Variants in ADARB2 observed in about 807,000 individuals in gnomAD.
The protein encoded by ADARB2 is adenosine deaminase RNA specific B2 (inactive).
In ADARB2, 25 loss-of-function variants were observed where a neutral mutation model predicts 62.2. That is an observed-to-expected ratio of 0.40 (90% CI 0.29 to 0.56). The LOEUF (loss-of-function observed/expected upper bound fraction) is 0.56, where lower values mean the gene tolerates loss of function less well. Ranked by LOEUF, ADARB2 falls within the 20% of genes least tolerant of loss-of-function variation. The pLI, the probability that ADARB2 is intolerant of heterozygous loss-of-function variation, is 0.43. For missense variants in ADARB2, 1,071 were observed against 1,077.4 expected (o/e 0.99, Z 0.08); for synonymous variants, 572 against 500.8 (o/e 1.14, Z -1.90).
At chr10:1,678,411 G>T (rs755855976) in intron 1 of ADARB2, 1 of 853,102 alleles carries the variant, frequency 1.2e-6, no homozygotes. Flanking sequence ...GAGCGTCTGC[G>T]CACCTTCCCT....
intron 1 of ADARB2, among the ~76,000 whole-genome samples, chr10:1,698,724 TAGAA>T (rs78175399): frequency 0.084 from 12,778 of 152,212 alleles, 627 homozygotes; most frequent in African/African-American, 0.13. Flanking sequence ...ACAGTGAAGG[TAGAA>T]AGAGTTGAAG....
intron 1 of ADARB2, among the ~76,000 whole-genome samples, chr10:1,647,411 GCATATATGTGTATA>G (rs1449597703): frequency 1.4e-5 from 2 of 143,980 alleles, no homozygotes; most frequent in Admixed American, 7.1e-5. Flanking sequence ...ACATGTGTGT[GCATATATGTGTATA>G]CATATGTGTA....
chr10:1,336,808 G>A (rs1273154557), intron 3 of ADARB2, among the ~76,000 whole-genome samples: 1 of 152,070 alleles, frequency 6.6e-6, no homozygotes, highest in Non-Finnish European at 1.5e-5. Context: ...AGAATTGCTT[G>A]CAGGATGTTT....
intron 1 of ADARB2, among the ~76,000 whole-genome samples, chr10:1,430,452 G>A (rs1830767152): frequency 6.6e-6 from 1 of 152,050 alleles, no homozygotes; most frequent in African/African-American, 2.4e-5. Flanking sequence ...TTGGCTGAGT[G>A]GATTTTTAAA....
intron 3 of ADARB2, among the ~76,000 whole-genome samples, chr10:1,357,833 A>T (rs1832210944): frequency 6.6e-6 from 1 of 152,100 alleles, no homozygotes; most frequent in South Asian, 2.1e-4. Flanking sequence ...CCCCAGAAAA[A>T]CTCTGTGCAG....
At chr10:1,399,074 G>C (rs984297545) in intron 1 of ADARB2, among the ~76,000 whole-genome samples, 1 of 152,176 alleles carries the variant, frequency 6.6e-6, no homozygotes, top group South Asian at 2.1e-4. Flanking sequence ...TAGGAAACAC[G>C]AAATAAAATG....
At chr10:1,568,953 A>T (rs1832897386) in intron 1 of ADARB2, among the ~76,000 whole-genome samples, 1 of 152,122 alleles carries the variant, frequency 6.6e-6, no homozygotes, top group Non-Finnish European at 1.5e-5. Context: ...GATGACCTGG[A>T]AGGATCTGAG....
At chr10:1,394,856 C>T (rs775482686) in intron 1 of ADARB2, 8 of 457,156 alleles carry the variant, frequency 1.7e-5, no homozygotes, top group South Asian at 6.2e-5. Context: ...TACCAGGACT[C>T]GCTGTGCACA....
chr10:1,695,381 A>G (rs1834726118), intron 1 of ADARB2, among the ~76,000 whole-genome samples: 1 of 152,174 alleles, frequency 6.6e-6, no homozygotes, highest in Non-Finnish European at 1.5e-5. Context: ...CACAGCAAGG[A>G]GCAGAGCTCA....
At position 1,714,119 on chromosome 10, in the gene ADARB2, A is replaced by C. The variant is rs936665729; in HGVS notation, c.100+22932T>G. ...ATTGGTACTAAAACCAACCAAACAAAAACCAATGGACATTTCAGCAGTTTC... is the reference window on the plus strand; with the variant it reads ...ATTGGTACTAAAACCAACCAAACAACAACCAATGGACATTTCAGCAGTTTC... On this transcript the variant is annotated intron_variant, in intron 1 of 9. Coordinates refer to ENST00000381312, the MANE Select transcript of ADARB2 (RefSeq NM_018702.4). 2.6e-5 allele frequency among the ~76,000 whole-genome samples: 4 copies of C among 152,380 alleles called. No individual in the cohort carries two copies. The East Asian group carries it at 7.7e-4, about 29-fold the overall frequency.
intron 3 of ADARB2, among the ~76,000 whole-genome samples, chr10:1,309,917 C>T (rs577719040): frequency 8.5e-5 from 13 of 152,384 alleles, no homozygotes; most frequent in Non-Finnish European, 1.2e-4. Flanking sequence ...CCTGCGGGCA[C>T]ACCTGGGGCC....
intron 1 of ADARB2, among the ~76,000 whole-genome samples, chr10:1,585,640 G>A (rs565577171): frequency 1.6e-4 from 25 of 152,306 alleles, no homozygotes; most frequent in African/African-American, 6.0e-4. Flanking sequence ...TGACCTGGAA[G>A]CCCCTGCTGA....
chr10:1,482,023 AAAAATC>A (rs1197900113), intron 1 of ADARB2, among the ~76,000 whole-genome samples: 1 of 152,242 alleles, frequency 6.6e-6, no homozygotes, highest in Admixed American at 6.5e-5. Flanking sequence ...TTAGAGAAAT[AAAAATC>A]AAAACCATGA....
chr10:1,446,080 ACATGAGGT>A (rs1830965128), intron 1 of ADARB2, among the ~76,000 whole-genome samples: 1 of 152,124 alleles, frequency 6.6e-6, no homozygotes, highest in African/African-American at 2.4e-5. Flanking sequence ...GGTGAAGGAA[ACATGAGGT>A]CATTAAGTTA....
At chr10:1,524,602 T>G (rs1832117369) in intron 1 of ADARB2, among the ~76,000 whole-genome samples, 2 of 152,210 alleles carry the variant, frequency 1.3e-5, no homozygotes, top group African/African-American at 2.4e-5. Context: ...ATTGCCTTTT[T>G]GTTTGGTTTT....
At chr10:1,665,758 C>T (rs77685755) in intron 1 of ADARB2, among the ~76,000 whole-genome samples, 1,873 of 152,332 alleles carry the variant, frequency 0.012, 21 homozygotes, top group East Asian at 0.045. Flanking sequence ...CTCTGGGAAG[C>T]CCCTGGAGAT....
intron 1 of ADARB2, among the ~76,000 whole-genome samples, chr10:1,431,130 A>T (rs1017480490): frequency 1.4e-5 from 2 of 140,090 alleles, no homozygotes; most frequent in African/African-American, 6.2e-5. Flanking sequence ...GCAACATAGA[A>T]TACACATATT....
chr10:1,202,067 T>C (rs1836994210), intron 7 of ADARB2, among the ~76,000 whole-genome samples: 1 of 152,012 alleles, frequency 6.6e-6, no homozygotes, highest in Non-Finnish European at 1.5e-5. Context: ...TAACTGAGCT[T>C]TTCCTTCAGG....
intron 1 of ADARB2, among the ~76,000 whole-genome samples, chr10:1,569,579 A>G (rs1454710897): frequency 6.6e-6 from 1 of 152,206 alleles, no homozygotes; most frequent in East Asian, 1.9e-4. Context: ...TGTTCTGATG[A>G]GCTGCAGAGG....
Sources: allele counts gnomAD v4.1 joint callset (sites outside exome capture counted in the v4.1 genomes callset), GRCh38; gene constraint gnomAD v4.1.1; transcripts MANE v1.5; gene names NCBI Gene and HGNC (gene_info 2026-07-23, HGNC 2026-07-21).